Variants in CROT observed in about 807,000 individuals in gnomAD.
CROT encodes the protein peroxisomal carnitine O-octanoyltransferase.
CROT carries 84 observed loss-of-function variants against 89.2 expected under a neutral mutation model. That is an observed-to-expected ratio of 0.94 (90% confidence interval 0.79 to 1.13). The LOEUF (loss-of-function observed/expected upper bound fraction) is 1.13, where lower values mean the gene tolerates loss of function less well. Among genes scored for constraint, CROT ranks in the 50% most tolerant of loss-of-function variants. The probability of loss-of-function intolerance (pLI) is 0.00; values close to 1 mark genes in which losing one functional copy is unlikely to be tolerated. For synonymous variants in CROT, 212 were observed against 239.5 expected (o/e 0.89, Z 1.06); for missense variants, 711 against 727.8 (o/e 0.98, Z 0.27).
At chr7:87,378,824 G>T (rs576516852) in intron 10 of CROT, among the ~76,000 whole-genome samples, 11 of 152,252 alleles carry the variant, frequency 7.2e-5, no homozygotes, top group Admixed American at 5.2e-4. Context: ...ACTACAAAGT[G>T]GTGCTTGGTT....
chr7:87,383,775 G>A (rs1180404573), intron 13 of CROT, among the ~76,000 whole-genome samples: 5 of 152,122 alleles, frequency 3.3e-5, no homozygotes, highest in Admixed American at 3.3e-4. Context: ...GGGATTAGAG[G>A]TGTGAGCCAC....
rs79496820 is a variant in CROT at position 87,348,270 on chromosome 7, A to G, written c.-21-778A>G. Among the ~76,000 whole-genome samples, 1,172 of 152,116 alleles carry G rather than the reference A, an allele frequency of 7.7e-3. 17 individuals carry two copies. The highest frequency in any genetic ancestry group is 0.025 in the African/African-American group (1,052 of 41,506). On this transcript the variant is annotated intron_variant, in intron 2 of 17. Transcript: ENST00000331536. ...TGAGAAACCTCATTTTTTATTTAGC[A>G]TTTGTATACCTTATTCACATTTTGA...
At chr7:87,350,100 A>G (rs1235845189) in intron 3 of CROT, among the ~76,000 whole-genome samples, 1 of 152,236 alleles carries the variant, frequency 6.6e-6, no homozygotes, top group East Asian at 1.9e-4. Context: ...AATGAATATT[A>G]TAATACCAAG....
intron 13 of CROT, among the ~76,000 whole-genome samples, chr7:87,390,749 C>G (rs930033653): frequency 6.6e-6 from 1 of 152,204 alleles, no homozygotes; most frequent in African/African-American, 2.4e-5. Context: ...TCTAGTCCTT[C>G]ATGTTCTATA....
intron 13 of CROT, among the ~76,000 whole-genome samples, chr7:87,389,786 C>T (rs904411070): frequency 1.3e-5 from 2 of 150,962 alleles, no homozygotes; most frequent in African/African-American, 4.9e-5. Flanking sequence ...AAAAATTCTG[C>T]AAAGCCTTCA....
At chr7:87,386,561 A>G (rs1462021042) in intron 13 of CROT, among the ~76,000 whole-genome samples, 2 of 151,902 alleles carry the variant, frequency 1.3e-5, no homozygotes, top group Non-Finnish European at 2.9e-5. Flanking sequence ...TCCTTATTCT[A>G]CCTACAGATT....
chr7:87,370,693 C>T (rs775778868), intron 7 of CROT, among the ~76,000 whole-genome samples: 10 of 152,174 alleles, frequency 6.6e-5, no homozygotes, highest in Non-Finnish European at 1.5e-4. Context: ...CAAAGATTCC[C>T]GTCATCCCTC....
intron 3 of CROT, among the ~76,000 whole-genome samples, chr7:87,350,237 A>G (rs376559925): frequency 1.3e-5 from 2 of 152,182 alleles, no homozygotes; most frequent in East Asian, 1.9e-4. Flanking sequence ...GGGATATATT[A>G]TGGCAGTAAT....
chr7:87,363,547 T>C (rs1806347597), intron 6 of CROT, among the ~76,000 whole-genome samples: 1 of 152,120 alleles, frequency 6.6e-6, no homozygotes, highest in Admixed American at 6.6e-5. Flanking sequence ...AAGGGCAGTA[T>C]GGATGGAGCA....
At chr7:87,362,958 CAATT>C (rs1161233431) in intron 6 of CROT, among the ~76,000 whole-genome samples, 2 of 151,866 alleles carry the variant, frequency 1.3e-5, no homozygotes, top group Non-Finnish European at 2.9e-5. Context: ...ACCAGTGAAA[CAATT>C]AAAAGATTAG....
chr7:87,378,644 T>C (rs1490553614), intron 10 of CROT, among the ~76,000 whole-genome samples: 1 of 152,218 alleles, frequency 6.6e-6, no homozygotes, highest in Non-Finnish European at 1.5e-5. Context: ...AATAGTCAGC[T>C]TCTTTGTTTC....
intron 13 of CROT, among the ~76,000 whole-genome samples, chr7:87,387,636 G>T (rs1456049723): frequency 3.9e-5 from 6 of 152,020 alleles, no homozygotes; most frequent in African/African-American, 1.4e-4. Flanking sequence ...GTAAACTAGA[G>T]AAAGGAAATT....
chr7:87,380,601 G>C (rs1806963480), intron 10 of CROT, among the ~76,000 whole-genome samples: 1 of 152,166 alleles, frequency 6.6e-6, no homozygotes, highest in African/African-American at 2.4e-5. Flanking sequence ...GTAAGTGCAA[G>C]AAATGAAAGG....
At chr7:87,392,017 G>A (rs1807376980) in intron 14 of CROT, among the ~76,000 whole-genome samples, 1 of 152,136 alleles carries the variant, frequency 6.6e-6, no homozygotes, top group Admixed American at 6.6e-5. Flanking sequence ...AAATCCCAAG[G>A]TGCCTTTAAA....
chr7:87,365,326 T>TA (rs1375557699), intron 6 of CROT, among the ~76,000 whole-genome samples: 2 of 151,988 alleles, frequency 1.3e-5, no homozygotes, highest in African/African-American at 4.8e-5. Context: ...CCATCTCTAC[T>TA]AAAAATACAA....
At chr7:87,378,628 A>G (rs923242550) in intron 10 of CROT, among the ~76,000 whole-genome samples, 1 of 152,168 alleles carries the variant, frequency 6.6e-6, no homozygotes, top group African/African-American at 2.4e-5. Context: ...ATAGACTCCC[A>G]AAGGAAATAG....
chr7:87,352,022 TCAATCTTATG>T (rs1805882952), intron 3 of CROT, among the ~76,000 whole-genome samples: 1 of 152,256 alleles, frequency 6.6e-6, no homozygotes, highest in African/African-American at 2.4e-5. Context: ...GTCTGTTTTG[TCAATCTTATG>T]ATTTCTATTT....
chr7:87,371,084 C>T (rs1806615735), intron 7 of CROT, among the ~76,000 whole-genome samples: 1 of 152,076 alleles, frequency 6.6e-6, no homozygotes, highest in African/African-American at 2.4e-5. Context: ...TGAATGAACT[C>T]CAGTTTATTA....
intron 3 of CROT, 103 bp downstream of exon 3, chr7:87,349,286 T>C (rs1436730866): frequency 3.9e-6 from 2 of 515,614 alleles, no homozygotes; most frequent in African/African-American, 4.0e-5. Context: ...TAAGAGAGAG[T>C]TAGAGTTCTT....
Sources: allele counts gnomAD v4.1 joint callset (sites outside exome capture counted in the v4.1 genomes callset), GRCh38; gene constraint gnomAD v4.1.1; transcripts MANE v1.5; gene names NCBI Gene and HGNC (gene_info 2026-07-23, HGNC 2026-07-21).